MYH15: variants seen among roughly 807,000 people sequenced by gnomAD.
The protein encoded by MYH15 is myosin heavy chain 15, also known as myosin-15.
In MYH15, 227 loss-of-function variants were observed where a neutral mutation model predicts 240.5. That is an observed-to-expected ratio of 0.94 (90% confidence interval 0.85 to 1.05). The LOEUF (loss-of-function observed/expected upper bound fraction) is 1.05. Among genes scored for constraint, MYH15 ranks in the 50% least tolerant of loss-of-function variants. The pLI, the probability that MYH15 is intolerant of heterozygous loss-of-function variation, is 0.00. For missense variants in MYH15, 2,217 were observed against 2,247.5 expected, an observed-to-expected ratio of 0.99 and a Z score of 0.27; for synonymous variants, 785 against 796.7, an observed-to-expected ratio of 0.99 and a Z score of 0.25.
rs1309024820 is a variant in MYH15 at position 108,399,111 on chromosome 3, T to A, written c.4893A>T (p.Ala1631=). Residue 1631 remains alanine (A), a synonymous_variant, in exon 34 of 41, where the codon GCA becomes GCT. Transcript: ENST00000693548. Reference sequence around the variant, plus strand: ...TCTGAAGCTGGCCCAGGGATTTGGTTGCTTCTGACACCTGCCGGTTGGCAC... The same window carrying A: ...TCTGAAGCTGGCCCAGGGATTTGGTAGCTTCTGACACCTGCCGGTTGGCAC... ...LSCANRQVSE[A]TKSLGQLQIQ... 1 of 1,614,054 alleles carries A rather than the reference T, an allele frequency of 6.2e-7. No homozygotes were observed.
Position 108,421,193 on chromosome 3 carries a change from TAC to T in MYH15, c.3722_3723del (p.Cys1241TyrfsTer4), listed in dbSNP as rs761355890. 10 of 1,613,054 alleles carry T rather than the reference TAC, an allele frequency of 6.2e-6. No individual in the cohort carries two copies. The African/African-American group carries it at 9.3e-5, about 15-fold the overall frequency. ...TRAKANAEKL[C>X]TLYEERLHEA... is the part of the protein sequence containing the mutation. ...TCATGCAAGCGCTCTTCATATAGAG[TAC>T]AGAGTTTCTCAGCATTTGCCTATAA... On this transcript the variant is annotated frameshift_variant, in exon 28 of 41. Coordinates refer to ENST00000693548, the MANE Select transcript of MYH15 (RefSeq NM_014981.3). LOFTEE classifies it high-confidence loss of function.
chr3:108,500,960 C>T (rs1181488064), intron 3 of MYH15, among the ~76,000 whole-genome samples: 1 of 152,182 alleles, frequency 6.6e-6, no homozygotes, highest in East Asian at 1.9e-4. Flanking sequence ...AGGAAGGATT[C>T]TCCCCAAGAG....
At chr3:108,429,837 C>T (rs2082762999) in intron 26 of MYH15, among the ~76,000 whole-genome samples, 1 of 152,150 alleles carries the variant, frequency 6.6e-6, no homozygotes, top group South Asian at 2.1e-4. Flanking sequence ...ATGATTTCCA[C>T]ATTCAAGTAA....
chr3:108,529,256 C>G, intron 1 of MYH15: 1 of 1,602,362 alleles, frequency 6.2e-7, no homozygotes, highest in South Asian at 1.1e-5. Flanking sequence ...GTTGGGAGTC[C>G]ACTCACCATG....
At chr3:108,482,375 G>A (rs2083274168) in intron 11 of MYH15, among the ~76,000 whole-genome samples, 1 of 152,182 alleles carries the variant, frequency 6.6e-6, no homozygotes, top group African/African-American at 2.4e-5. Flanking sequence ...TAGCAGTAGG[G>A]AAGATAAGGA....
At chr3:108,406,319 C>A (rs531213946) in intron 32 of MYH15, among the ~76,000 whole-genome samples, 59 of 152,154 alleles carry the variant, frequency 3.9e-4, no homozygotes, top group African/African-American at 1.3e-3. Context: ...TCTTTTGAGG[C>A]GTGCTTAGCA....
intron 36 of MYH15, 109 bp downstream of exon 36, chr3:108,393,922 T>C: frequency 6.6e-7 from 1 of 1,507,938 alleles, no homozygotes; most frequent in Non-Finnish European, 9.1e-7. Flanking sequence ...CCCCTGGCTG[T>C]ATGGGAAATC....
At chr3:108,524,774 G>C (rs2083653506) in intron 1 of MYH15, among the ~76,000 whole-genome samples, 2 of 152,166 alleles carry the variant, frequency 1.3e-5, no homozygotes, top group South Asian at 4.1e-4. Context: ...CTCTCATGAA[G>C]TCTGGAAGGA....
chr3:108,515,396 G>A (rs1006915071), upstream of MYH15, among the ~76,000 whole-genome samples: 1 of 152,194 alleles, frequency 6.6e-6, no homozygotes, highest in Non-Finnish European at 1.5e-5. Context: ...ACCAAAGGAA[G>A]AGAGAGATCA....
In MYH15 at chr3:108,464,739, G is replaced by A; in HGVS notation, c.1630C>T (p.Leu544Phe). Residue 544 changes from leucine (L) to phenylalanine (F), a missense_variant, in exon 15 of 41, where the codon CTC (leucine) becomes TTC (phenylalanine). Leu to Phe is a conservative substitution (Grantham distance 22). Transcript: ENST00000693548. ...KATDLTFKTK[L>F]FDNHFGKSVH... is the part of the protein sequence containing the mutation. ...GACTTTCCAAAATGGTTGTCAAAGA[G>A]TTTGGTCTTGAAAGTCAGGTCTGTA... 1 of 1,613,920 alleles carries A rather than the reference G, an allele frequency of 6.2e-7. No homozygotes were observed. The highest frequency in any genetic ancestry group is 8.5e-7 in the Non-Finnish European group (1 of 1,179,848).
At position 108,453,998 on chromosome 3, in the gene MYH15, T is replaced by A; in HGVS notation, c.2399+8A>T. ...TAGCAGTTGGGGAGCAGGGTGGGCATATAATACCTTTCTTCCAGAATCTTC... is the reference window on the plus strand; with the variant it reads ...TAGCAGTTGGGGAGCAGGGTGGGCAAATAATACCTTTCTTCCAGAATCTTC... On this transcript the variant is annotated splice_region_variant and intron_variant, in intron 21 of 40. Coordinates refer to ENST00000693548, the MANE Select transcript of MYH15 (RefSeq NM_014981.3). The A allele has an allele frequency of 6.2e-7, 1 of 1,609,988 alleles. No homozygotes were observed. The highest frequency in any genetic ancestry group is 2.2e-5 in the East Asian group (1 of 44,820).
At chr3:108,443,921 G>A (rs949844934) in intron 22 of MYH15, among the ~76,000 whole-genome samples, 1 of 128,482 alleles carries the variant, frequency 7.8e-6, no homozygotes, top group East Asian at 2.4e-4. Context: ...GTTAAGAACT[G>A]TTTTAAAAAC....
Position 108,464,818 on chromosome 3 carries a change from T to C in MYH15, c.1555-4A>G, listed in dbSNP as rs1489843685. ...GGATGGAAAGGATGCCCATTGGCTG[T>C]TGAAGAGACATAAGAGCAGCAGATT... On this transcript the variant is annotated splice_polypyrimidine_tract_variant and splice_region_variant and intron_variant, in intron 14 of 40. Coordinates refer to ENST00000693548, the MANE Select transcript of MYH15 (RefSeq NM_014981.3). 1 of 1,600,770 alleles carries C rather than the reference T, an allele frequency of 6.2e-7. No homozygotes were observed. The highest frequency in any genetic ancestry group is 8.5e-7 in the Non-Finnish European group (1 of 1,175,602).
chr3:108,454,665 T>G (rs576510376), intron 20 of MYH15, among the ~76,000 whole-genome samples: 1 of 151,434 alleles, frequency 6.6e-6, no homozygotes, highest in South Asian at 2.1e-4. Context: ...GGCCATAGTT[T>G]GCTGACCTCT....
Position 108,510,537 on chromosome 3 carries a change from TA to T in MYH15, c.-8del. On this transcript the variant is annotated 5_prime_UTR_variant, in exon 1 of 41. Transcript: ENST00000693548. Reference sequence around the variant, plus strand: ...CAAGGTCTGACAGATCCATCTTTATTAAAGCAATCCACCAAAAAAAGGCCCT... The same window carrying T: ...CAAGGTCTGACAGATCCATCTTTATTAAGCAATCCACCAAAAAAAGGCCCT... 1.2e-6 allele frequency: 2 copies of T among 1,610,410 alleles called. No homozygotes were observed. The highest frequency in any genetic ancestry group is 1.7e-6 in the Non-Finnish European group (2 of 1,178,820).
intron 21 of MYH15, among the ~76,000 whole-genome samples, chr3:108,447,050 T>A (rs1056413204): frequency 2.0e-5 from 3 of 151,810 alleles, no homozygotes; most frequent in Non-Finnish European, 1.5e-5. Context: ...AAGAACCACA[T>A]AGAAATTCTG....
chr3:108,441,393 CA>C (rs2082884319), intron 22 of MYH15, 133 bp from the exon 23 acceptor site: 5 of 985,552 alleles, frequency 5.1e-6, no homozygotes, highest in Non-Finnish European at 7.5e-6. Flanking sequence ...CTTTCCTAAA[CA>C]GCTGCAATAA....
chr3:108,532,506 C>A (rs530555862), upstream of MYH15, among the ~76,000 whole-genome samples: 1 of 152,284 alleles, frequency 6.6e-6, no homozygotes, highest in East Asian at 1.9e-4. Flanking sequence ...TCTACTGGTT[C>A]TCACACTGAA....
chr3:108,510,428 C>T lies in MYH15; in HGVS notation c.88+15G>A. 6.3e-7 allele frequency: 1 copy of T among 1,584,336 alleles called. No homozygotes were observed. The highest frequency in any genetic ancestry group is 8.5e-7 in the Non-Finnish European group (1 of 1,170,378). On this transcript the variant is annotated intron_variant, in intron 1 of 40. Transcript: ENST00000693548. The stretch of plus-strand genomic sequence containing the variant: ...AGCAAAATAAAGTGAAGCCAGCAAC[C>T]ACCACATGTCTCACCATCCAAGGCT...
Sources: gnomAD v4.1 joint callset for allele counts (sites outside exome capture counted in the v4.1 genomes callset) on GRCh38, gnomAD v4.1.1 for gene constraint, MANE v1.5 for transcripts, NCBI Gene and HGNC (gene_info 2026-07-23, HGNC 2026-07-21) for gene names.